The following GSS variants were observed in gnomAD, a reference collection of about 807,000 sequenced individuals.
GSS encodes the protein GSH synthetase.
In GSS, 34 loss-of-function variants were observed where a neutral mutation model predicts 60.4. That is an observed-to-expected ratio of 0.56 (90% CI 0.43 to 0.75). The LOEUF is 0.75. Ranked by LOEUF, GSS falls within the 30% of genes least tolerant of loss-of-function variation. The pLI is 0.00. For missense variants in GSS, 499 were observed against 595.1 expected (o/e 0.84, Z 1.68); for synonymous variants, 224 against 239.0 (o/e 0.94, Z 0.58).
intron 12 of GSS, 151 bp from the exon 13 acceptor site, chr20:34,929,102 T>C (rs111726595): frequency 2.2e-6 from 2 of 928,346 alleles, no homozygotes; most frequent in East Asian, 5.1e-5. Context: ...GGAGTCTCCT[T>C]CTAGTCCTAG....
chr20:34,941,513 A>G (rs1267896492), intron 6 of GSS, among the ~76,000 whole-genome samples, 200 bp downstream of exon 6: 1 of 152,236 alleles, frequency 6.6e-6, no homozygotes, highest in Admixed American at 6.5e-5. Context: ...CCTCCACTCA[A>G]TAAGAAAAAG....
At chr20:34,937,914 G>A (rs1266610148) in intron 6 of GSS, among the ~76,000 whole-genome samples, 3 of 152,060 alleles carry the variant, frequency 2.0e-5, no homozygotes, top group African/African-American at 7.2e-5. Flanking sequence ...CTGGAGTGCA[G>A]TGGCACAATC....
intron 3 of GSS, 22 bp downstream of exon 3, chr20:34,945,931 C>A (rs571075979): frequency 4.3e-6 from 7 of 1,613,436 alleles, no homozygotes; most frequent in Non-Finnish European, 5.9e-6. Context: ...TCCTGGCCCC[C>A]CAATGCTTCA....
intron 8 of GSS, among the ~76,000 whole-genome samples, 178 bp downstream of exon 8, chr20:34,936,585 T>C (rs1440881573): frequency 6.6e-6 from 1 of 152,258 alleles, no homozygotes; most frequent in Admixed American, 6.5e-5. Context: ...ACAGCTCTGA[T>C]AGAAGCACAG....
rs899891930 is a variant in GSS, at chr20:34,932,244, T to C, written c.835-111A>G. On this transcript the variant is annotated intron_variant, in intron 9 of 12. Coordinates refer to ENST00000651619, the MANE Select transcript of GSS (RefSeq NM_000178.4). ...ATCATGATTTGTATCTTCACCCTCA[T>C]TATCACCCAGGATCATTCTAACATC... The C allele has an allele frequency of 9.5e-6, 8 of 843,902 alleles. No individual in the cohort carries two copies. In the African/African-American group the frequency reaches 1.3e-4, roughly 14 times the overall value. 52.3% of individuals were successfully genotyped at this position (843,902 alleles called of 1,614,324 possible).
intron 1 of GSS, among the ~76,000 whole-genome samples, chr20:34,953,610 CT>C (rs2081585876): frequency 6.8e-6 from 1 of 146,448 alleles, no homozygotes; most frequent in Non-Finnish European, 1.5e-5. Context: ...CTCTCCCTCC[CT>C]CTTTCTTTCT....
chr20:34,932,102 G>A lies in GSS; in HGVS notation c.866C>T (p.Ser289Leu). 1 of 1,614,070 alleles carries A rather than the reference G, an allele frequency of 6.2e-7. No homozygotes were observed. The highest frequency in any genetic ancestry group is 8.5e-7 in the Non-Finnish European group (1 of 1,179,908). The change falls in exon 10 of 13, where the codon TCA becomes TTA. Residue 289 changes from serine to leucine, a missense_variant. Physicochemically the swap from Ser to Leu is moderately radical, Grantham distance 145. Transcript: ENST00000651619. ...AATGTCTGGGCACTTGGCAGCATGTGACCTCTCCAGCAGTAGACGTGCTTC... is the reference window on the plus strand; with the variant it reads ...AATGTCTGGGCACTTGGCAGCATGTAACCTCTCCAGCAGTAGACGTGCTTC... ...NWEARLLLER[S>L]HAAKCPDIAT... is the part of the protein sequence containing the mutation.
At chr20:34,952,001 C>G in intron 1 of GSS, 141 bp from the exon 2 acceptor site, 1 of 797,466 alleles carries the variant, frequency 1.3e-6, no homozygotes, top group South Asian at 1.4e-5. Flanking sequence ...GGAGTGAACA[C>G]TGGCTGGTTC....
chr20:34,953,592 TTCTC>T (rs2081585619), intron 1 of GSS, among the ~76,000 whole-genome samples: 1 of 150,850 alleles, frequency 6.6e-6, no homozygotes, highest in South Asian at 2.1e-4. Flanking sequence ...TTTTCTTTCT[TTCTC>T]TCTCTCTCCC....
chr20:34,939,537 T>C (rs1356705894), intron 6 of GSS, among the ~76,000 whole-genome samples: 2 of 152,232 alleles, frequency 1.3e-5, no homozygotes, highest in African/African-American at 2.4e-5. Flanking sequence ...TAGAGGCAGA[T>C]GAATTCTATA....
chr20:34,939,141 A>G lies in GSS; in HGVS notation c.609-2118T>C, dbSNP rs372126291. On this transcript the variant is annotated intron_variant, in intron 6 of 12. Coordinates refer to ENST00000651619, the MANE Select transcript of GSS (RefSeq NM_000178.4). ...TGTAATCCCAGTTACTTGGGAGGCT[A>G]AGGCAGGAAAATCCCTTGAACCTGG... Among the ~76,000 whole-genome samples, 33 of 152,258 alleles carry G rather than the reference A, an allele frequency of 2.2e-4. No individual in the cohort carries two copies. In the East Asian group the frequency reaches 5.4e-3, roughly 25 times the overall value.
rs1239204969 is a variant in GSS at position 34,941,844 on chromosome 20, A to G, written c.492-15T>C. ...TGAGAACATGTCTGTTGGAAGAGAGATGGCTGTTCAGTAATTGGATGGACC... is the reference window on the plus strand; with the variant it reads ...TGAGAACATGTCTGTTGGAAGAGAGGTGGCTGTTCAGTAATTGGATGGACC... On this transcript the variant is annotated splice_polypyrimidine_tract_variant and intron_variant, in intron 5 of 12. Transcript: ENST00000651619. 2 of 1,424,644 alleles carry G rather than the reference A, an allele frequency of 1.4e-6. No homozygotes were observed. The highest frequency in any genetic ancestry group is 1.7e-5 in the Admixed American group (1 of 59,748). The allele number at this position is 1,424,644 out of a possible 1,614,324, so 88.3% of individuals were successfully genotyped here. A position where few individuals can be genotyped will look rare whatever the true frequency, so the allele number is the denominator to read the frequency against.
At chr20:34,941,861 G>C (rs540899624) in intron 5 of GSS, 32 bp from the exon 6 acceptor site, 33 of 1,205,738 alleles carry the variant, frequency 2.7e-5, no homozygotes, top group Non-Finnish European at 4.0e-5. Flanking sequence ...TTCAGTAATT[G>C]GATGGACCTG....
At chr20:34,941,554 A>G (rs1169664170) in intron 6 of GSS, among the ~76,000 whole-genome samples, 159 bp downstream of exon 6, 1 of 152,190 alleles carries the variant, frequency 6.6e-6, no homozygotes. Context: ...GTTATTTAAG[A>G]AGGAAACCTT....
intron 3 of GSS, among the ~76,000 whole-genome samples, chr20:34,944,025 G>T (rs1000685243): frequency 3.3e-5 from 5 of 152,162 alleles, no homozygotes; most frequent in Non-Finnish European, 7.4e-5. Context: ...GCAGACCAGT[G>T]GGGGGAAGCC....
chr20:34,932,069 TGG>T lies in GSS; in HGVS notation c.897_898del (p.Gln300AlafsTer5). 1 of 1,614,156 alleles carries T rather than the reference TGG, an allele frequency of 6.2e-7. No homozygotes were observed. The highest frequency in any genetic ancestry group is 1.7e-5 in the Admixed American group (1 of 60,028). On this transcript the variant is annotated frameshift_variant, in exon 10 of 13. Transcript: ENST00000651619. LOFTEE classifies it high-confidence loss of function. ...CTGCACCTTCTTAGTCCCAGCCAGC[TGG>T]GTGGCAATGTCTGGGCACTTGGCAG...
At chr20:34,940,507 A>G (rs1230836215) in intron 6 of GSS, among the ~76,000 whole-genome samples, 1 of 152,156 alleles carries the variant, frequency 6.6e-6, no homozygotes, top group Non-Finnish European at 1.5e-5. Flanking sequence ...TTTTAGAGGG[A>G]GGTAGACTTT....
At position 34,936,927 on chromosome 20, in the gene GSS, C is replaced by G; in HGVS notation, c.689+16G>C. 1 of 1,610,188 alleles carries G rather than the reference C, an allele frequency of 6.2e-7. No homozygotes were observed. Among genetic ancestry groups the G allele is most frequent in the Non-Finnish European group, 8.5e-7 (1 of 1,176,460 alleles). On this transcript the variant is annotated intron_variant, in intron 7 of 12. Coordinates refer to ENST00000651619, the MANE Select transcript of GSS (RefSeq NM_000178.4). ...ATCCTGGAGCCACACCTAGAAGTCC[C>G]CCTTCCTTTACTTACCTGGCCAGTA...
chr20:34,930,616 A>G (rs1306978201), intron 11 of GSS, among the ~76,000 whole-genome samples: 1 of 152,114 alleles, frequency 6.6e-6, no homozygotes, highest in Non-Finnish European at 1.5e-5. Context: ...CATCTTCTAC[A>G]ATGCAGAAAC....
Sources: allele counts gnomAD v4.1 joint callset (sites outside exome capture counted in the v4.1 genomes callset), GRCh38; gene constraint gnomAD v4.1.1; transcripts MANE v1.5; gene names NCBI Gene and HGNC (gene_info 2026-07-23, HGNC 2026-07-21).